ZFAND3: variants seen among roughly 807,000 people sequenced by gnomAD.
The protein encoded by ZFAND3 is AN1-type zinc finger protein 3.
In ZFAND3, 10 loss-of-function variants were observed where a neutral mutation model predicts 29.6. The ratio of observed to expected loss-of-function variants is 0.34; its 90% CI spans 0.21 to 0.57. The LOEUF is 0.57. Ranked by LOEUF, ZFAND3 falls within the 20% of genes least tolerant of loss-of-function variation. ZFAND3 has a pLI of 0.86. For missense variants in ZFAND3, 230 were observed against 304.5 expected (o/e 0.76, Z 1.82); for synonymous variants, 128 against 112.6 (o/e 1.14, Z -0.87).
At chr6:38,046,386 T>C (rs1441888764) in intron 2 of ZFAND3, among the ~76,000 whole-genome samples, 1 of 152,224 alleles carries the variant, frequency 6.6e-6, no homozygotes, top group Non-Finnish European at 1.5e-5. Flanking sequence ...TTCTGCCTCT[T>C]CCGCTGTTCC....
At chr6:38,014,339 T>A (rs537001373) in intron 2 of ZFAND3, among the ~76,000 whole-genome samples, 2,272 of 97,696 alleles carry the variant, frequency 0.023, 34 homozygotes, top group East Asian at 0.051. Flanking sequence ...TATTTTTTTT[T>A]TTTTGAGATG....
intron 2 of ZFAND3, among the ~76,000 whole-genome samples, chr6:38,010,860 C>A (rs958599154): frequency 6.6e-6 from 1 of 151,352 alleles, no homozygotes; most frequent in African/African-American, 2.4e-5. Flanking sequence ...CTCGGCCTCC[C>A]AAAGTGCTGG....
chr6:38,050,440 C>A (rs1046490958), intron 2 of ZFAND3, among the ~76,000 whole-genome samples: 2 of 151,986 alleles, frequency 1.3e-5, no homozygotes, highest in Admixed American at 6.6e-5. Flanking sequence ...TCCCATAATC[C>A]CCACATCATG....
intron 1 of ZFAND3, among the ~76,000 whole-genome samples, chr6:37,926,586 A>T (rs1761488731): frequency 6.6e-6 from 1 of 152,168 alleles, no homozygotes; most frequent in African/African-American, 2.4e-5. Context: ...TCTCAAAATC[A>T]TTAATTAATT....
intron 2 of ZFAND3, among the ~76,000 whole-genome samples, chr6:37,952,691 A>T (rs1762018914): frequency 6.6e-6 from 1 of 152,084 alleles, no homozygotes; most frequent in Non-Finnish European, 1.5e-5. Flanking sequence ...CTAGGATTCT[A>T]GGTCCATAGT....
chr6:37,911,613 T>G (rs533987503), intron 1 of ZFAND3, among the ~76,000 whole-genome samples: 48 of 152,372 alleles, frequency 3.2e-4, no homozygotes, highest in African/African-American at 1.1e-3. Flanking sequence ...TCTTTTGATC[T>G]GTTCAAAGCA....
intron 1 of ZFAND3, among the ~76,000 whole-genome samples, chr6:37,824,709 A>T (rs1315540532): frequency 6.6e-6 from 1 of 152,206 alleles, no homozygotes; most frequent in Non-Finnish European, 1.5e-5. Flanking sequence ...TTTTGATTTT[A>T]AAAAAGAAGC....
chr6:37,823,081 G>A (rs1465741128), intron 1 of ZFAND3, among the ~76,000 whole-genome samples: 3 of 152,158 alleles, frequency 2.0e-5, no homozygotes, highest in African/African-American at 7.2e-5. Flanking sequence ...AAGACTATTG[G>A]TGGTTCTTGA....
intron 2 of ZFAND3, among the ~76,000 whole-genome samples, chr6:38,053,813 T>C (rs990049824): frequency 6.6e-6 from 1 of 152,168 alleles, no homozygotes; most frequent in African/African-American, 2.4e-5. Flanking sequence ...ATGACTAGAA[T>C]GGTAATTTGG....
chr6:37,930,058 T>G (rs1357639588), intron 2 of ZFAND3, 59 bp downstream of exon 2: 28 of 1,420,962 alleles, frequency 2.0e-5, no homozygotes, highest in Non-Finnish European at 2.7e-5. Context: ...TTTTTTTTTT[T>G]GGTTCTTTTT....
intron 5 of ZFAND3, among the ~76,000 whole-genome samples, chr6:38,146,548 C>G (rs1398191487): frequency 6.6e-6 from 1 of 152,214 alleles, no homozygotes; most frequent in Non-Finnish European, 1.5e-5. Flanking sequence ...GAACGCAACT[C>G]AGGCATCCTT....
intron 1 of ZFAND3, among the ~76,000 whole-genome samples, chr6:37,896,598 T>C (rs1308979994): frequency 7.0e-6 from 1 of 143,750 alleles, no homozygotes; most frequent in Non-Finnish European, 1.5e-5. Context: ...CTCTTTTTCT[T>C]TCTCTCTCTC....
At chr6:37,874,119 G>A (rs1389659001) in intron 1 of ZFAND3, among the ~76,000 whole-genome samples, 1 of 152,172 alleles carries the variant, frequency 6.6e-6, no homozygotes, top group Admixed American at 6.5e-5. Context: ...AGGCAGTGAA[G>A]GAAGGATGTT....
intron 5 of ZFAND3, among the ~76,000 whole-genome samples, chr6:38,139,537 G>A (rs1765906639): frequency 6.6e-6 from 1 of 152,290 alleles, no homozygotes; most frequent in Admixed American, 6.5e-5. Context: ...GCCTGAGTAA[G>A]CAAGAATTTC....
At chr6:38,101,901 A>G (rs578003383) in intron 4 of ZFAND3, among the ~76,000 whole-genome samples, 1 of 152,206 alleles carries the variant, frequency 6.6e-6, no homozygotes, top group Non-Finnish European at 1.5e-5. Flanking sequence ...CAAATCAGCT[A>G]TTTAATTTTA....
At chr6:38,150,794 G>T (rs1312666515) in intron 5 of ZFAND3, among the ~76,000 whole-genome samples, 1 of 152,206 alleles carries the variant, frequency 6.6e-6, no homozygotes, top group African/African-American at 2.4e-5. Flanking sequence ...AAGAGATGCT[G>T]TTGGTTGGAA....
chr6:38,073,339 A>G (rs1764492969), intron 3 of ZFAND3, among the ~76,000 whole-genome samples: 1 of 151,628 alleles, frequency 6.6e-6, no homozygotes, highest in African/African-American at 2.4e-5. Context: ...TATGTTTGAA[A>G]AAAAAAAAAA....
At chr6:38,111,252 C>T (rs941846878) in intron 4 of ZFAND3, among the ~76,000 whole-genome samples, 2 of 152,180 alleles carry the variant, frequency 1.3e-5, no homozygotes, top group South Asian at 2.1e-4. Flanking sequence ...ATGGGTTCCA[C>T]ATCTGTGGAT....
At chr6:38,116,185 G>T (rs918569426) in intron 4 of ZFAND3, among the ~76,000 whole-genome samples, 1 of 152,134 alleles carries the variant, frequency 6.6e-6, no homozygotes, top group African/African-American at 2.4e-5. Context: ...ACAAGCAAAT[G>T]CCCAAGAAAA....
Sources: allele counts gnomAD v4.1 joint callset (sites outside exome capture counted in the v4.1 genomes callset), GRCh38; gene constraint gnomAD v4.1.1; transcripts MANE v1.5; gene names NCBI Gene and HGNC (gene_info 2026-07-23, HGNC 2026-07-21).